DZIP1: variants seen among roughly 807,000 people sequenced by gnomAD.
The protein encoded by DZIP1 is DAZ interacting zinc finger protein 1.
DZIP1 carries 97 observed loss-of-function variants against 107.6 expected under a neutral mutation model. The ratio of observed to expected loss-of-function variants is 0.90; its 90% CI spans 0.77 to 1.07. DZIP1 has a LOEUF of 1.07. Ranked by LOEUF, DZIP1 falls within the 50% of genes least tolerant of loss-of-function variation. The pLI is 0.00. For missense variants in DZIP1, 1,035 were observed against 1,063.6 expected (o/e 0.97, Z 0.37); for synonymous variants, 390 against 386.4 (o/e 1.01, Z -0.11).
intron 7 of DZIP1, among the ~76,000 whole-genome samples, chr13:95,627,871 G>A (rs1455477054): frequency 6.6e-6 from 1 of 152,046 alleles, no homozygotes; most frequent in Non-Finnish European, 1.5e-5. Context: ...GAGCCAAAAG[G>A]TGAAAATGAA....
At chr13:95,640,569 A>T (rs902077852) in intron 5 of DZIP1, among the ~76,000 whole-genome samples, 3 of 148,102 alleles carry the variant, frequency 2.0e-5, no homozygotes, top group African/African-American at 7.4e-5. Flanking sequence ...ACTAGTCAAT[A>T]AAAAAAAAAT....
rs149231920 is a variant in DZIP1, at chr13:95,637,893, A to G, written c.597+3402T>C. ...ATTTATAGAAAATTTTCAAACTTAAAAACACTGTCTTATGAATACATATGT... is the reference window on the plus strand; with the variant it reads ...ATTTATAGAAAATTTTCAAACTTAAGAACACTGTCTTATGAATACATATGT... On this transcript the variant is annotated intron_variant, in intron 5 of 22. Transcript: ENST00000376829. 4.4e-3 allele frequency among the ~76,000 whole-genome samples: 675 copies of G among 152,262 alleles called. 8 individuals carry two copies. The highest frequency in any genetic ancestry group is 0.016 in the African/African-American group (646 of 41,542).
intron 14 of DZIP1, among the ~76,000 whole-genome samples, chr13:95,605,444 T>C (rs1327645369): frequency 1.3e-5 from 2 of 152,250 alleles, no homozygotes; most frequent in African/African-American, 2.4e-5. Flanking sequence ...TATTGGATCA[T>C]GTTAATAACA....
Position 95,590,273 on chromosome 13 carries a change from G to C in DZIP1, c.1843+6C>G, listed in dbSNP as rs2044277244. 4.4e-6 allele frequency: 7 copies of C among 1,597,842 alleles called. No individual in the cohort carries two copies. The highest frequency in any genetic ancestry group is 6.0e-6 in the Non-Finnish European group (7 of 1,174,454). On this transcript the variant is annotated splice_donor_region_variant and intron_variant, in intron 17 of 22. Transcript: ENST00000376829. ...AGCTCCCATTTGCAGTGGGTAACAA[G>C]CTTACCTGAAGAGAGTAGTGCTTTC...
At chr13:95,609,545 AC>A (rs1461790901) in intron 12 of DZIP1, 32 bp from the exon 13 acceptor site, 2 of 1,533,400 alleles carry the variant, frequency 1.3e-6, no homozygotes, top group African/African-American at 1.4e-5. Context: ...TGAACAAAAA[AC>A]ATCACAAGCT....
At chr13:95,614,147 A>G (rs975441334) in intron 10 of DZIP1, among the ~76,000 whole-genome samples, 1 of 136,160 alleles carries the variant, frequency 7.3e-6, no homozygotes. Flanking sequence ...AAAAAAAAAA[A>G]GCAGTGTCTT....
chr13:95,636,543 C>CAAAA (rs58289509), intron 5 of DZIP1, among the ~76,000 whole-genome samples: 20 of 118,246 alleles, frequency 1.7e-4, no homozygotes, highest in African/African-American at 6.5e-4. Flanking sequence ...GACCTTGACT[C>CAAAA]AAAAAAAAAA....
chr13:95,627,363 A>G (rs935568894), intron 7 of DZIP1, among the ~76,000 whole-genome samples: 1 of 152,172 alleles, frequency 6.6e-6, no homozygotes, highest in South Asian at 2.1e-4. Flanking sequence ...AATTAACTCA[A>G]AATAGACCAA....
At chr13:95,612,557 C>G (rs1188033029) in intron 10 of DZIP1, among the ~76,000 whole-genome samples, 2 of 152,152 alleles carry the variant, frequency 1.3e-5, no homozygotes, top group South Asian at 4.1e-4. Flanking sequence ...ATGGGCCATC[C>G]TAGGCCAGAG....
At chr13:95,614,232 C>G (rs1874764127) in intron 10 of DZIP1, among the ~76,000 whole-genome samples, 1 of 151,442 alleles carries the variant, frequency 6.6e-6, no homozygotes, top group Admixed American at 6.6e-5. Flanking sequence ...TGGAACCAAT[C>G]TAGAAAGATT....
chr13:95,589,073 T>G, intron 19 of DZIP1, 81 bp downstream of exon 19: 8 of 1,126,054 alleles, frequency 7.1e-6, no homozygotes, highest in Non-Finnish European at 1.1e-5. Context: ...TCAACCATAA[T>G]GAGCACGCTA....
intron 10 of DZIP1, among the ~76,000 whole-genome samples, chr13:95,617,432 G>A (rs1010330617): frequency 6.6e-6 from 1 of 152,046 alleles, no homozygotes; most frequent in Non-Finnish European, 1.5e-5. Context: ...GAGTCCCTGA[G>A]CCCAGCCAAG....
intron 12 of DZIP1, among the ~76,000 whole-genome samples, chr13:95,610,097 T>A (rs866365225): frequency 0.024 from 1,941 of 82,414 alleles, 88 homozygotes; most frequent in African/African-American, 0.1. Context: ...TGTGTGTGTG[T>A]GTGTGTGTGT....
intron 10 of DZIP1, among the ~76,000 whole-genome samples, chr13:95,615,455 C>A (rs868160566): frequency 2.0e-5 from 3 of 152,164 alleles, no homozygotes; most frequent in Non-Finnish European, 4.4e-5. Flanking sequence ...AACCATAGAT[C>A]CAAAACAGGA....
In DZIP1 at chr13:95,641,796, A is replaced by G. The variant is rs770528534; in HGVS notation, c.96T>C (p.Ala32=). The G allele has an allele frequency of 1.3e-6, 2 of 1,501,704 alleles. No individual in the cohort carries two copies. The highest frequency in any genetic ancestry group is 4.7e-5 in the Admixed American group (2 of 42,310). 93.0% of individuals were successfully genotyped at this position (1,501,704 alleles called of 1,614,324 possible). Residue 32 remains alanine, a synonymous_variant, in exon 5 of 23, where the codon GCT becomes GCC. Transcript: ENST00000376829. This position sits in a 1 kb window ranked among gnomAD's most constrained non-coding sequence, Gnocchi z 4.3. ...LASGPEGPDV[A]VAAAAAGAAS... is the part of the protein sequence containing the mutation. ...CCGCACCCGCGGCGGCGGCGGCCAC[A>G]GCGACGTCGGGCCCCTCTGGGCCGC...
rs1009999897 is a variant in DZIP1, at chr13:95,607,567, C to T, written c.1421-1508G>A. Among the ~76,000 whole-genome samples the T allele has an allele frequency of 6.5e-4, 99 of 152,228 alleles. 1 individual carries two copies. The highest frequency in any genetic ancestry group is 2.2e-3 in the African/African-American group (91 of 41,518). ...GAATACAGCCAAGCTCCTTCACTTA[C>T]GTGTTGTCTATGGCTGATTTTGCAC... On this transcript the variant is annotated intron_variant, in intron 13 of 22. Coordinates refer to ENST00000376829, the MANE Select transcript of DZIP1 (RefSeq NM_198968.4).
chr13:95,644,349 G>C (rs1457076153), intron 1 of DZIP1, 28 bp downstream of exon 1: 1 of 152,442 alleles, frequency 6.6e-6, no homozygotes, highest in African/African-American at 2.4e-5. Flanking sequence ...TCCTGTGGGC[G>C]CCTGGCGCAT....
intron 9 of DZIP1, among the ~76,000 whole-genome samples, chr13:95,621,934 T>G (rs1200099949): frequency 6.6e-6 from 1 of 152,016 alleles, no homozygotes; most frequent in Non-Finnish European, 1.5e-5. Context: ...AAGATCAGCC[T>G]GGCCAATATG....
Position 95,609,437 on chromosome 13 carries a change from C to A in DZIP1, c.1420+20G>T. On this transcript the variant is annotated intron_variant, in intron 13 of 22. Coordinates refer to ENST00000376829, the MANE Select transcript of DZIP1 (RefSeq NM_198968.4). ...TTTTAAAGATACCTTTGGAGCCCTG[C>A]ATCTATTATAGGAACTTACTAGGCA... 3.3e-6 allele frequency: 5 copies of A among 1,504,352 alleles called. No individual in the cohort carries two copies. The highest frequency in any genetic ancestry group is 4.5e-6 in the Non-Finnish European group (5 of 1,122,492). 93.2% of individuals were successfully genotyped at this position (1,504,352 alleles called of 1,614,324 possible).
Sources: allele counts gnomAD v4.1 joint callset (sites outside exome capture counted in the v4.1 genomes callset), GRCh38; gene constraint gnomAD v4.1.1; non-coding constraint Gnocchi (gnomAD v3.1); transcripts MANE v1.5; gene names NCBI Gene and HGNC (gene_info 2026-07-23, HGNC 2026-07-21).